Variants in HS6ST3 observed in about 807,000 individuals in gnomAD.
HS6ST3 encodes the protein heparan sulfate 6-O-sulfotransferase 3.
A neutral mutation model predicts 36.7 loss-of-function variants in HS6ST3; 12 were observed. The observed-to-expected ratio is 0.33, with a 90% CI of 0.21 to 0.53. The LOEUF (loss-of-function observed/expected upper bound fraction) is 0.53. Ranked by LOEUF, HS6ST3 falls within the 20% of genes least tolerant of loss-of-function variation. The pLI, the probability that HS6ST3 is intolerant of heterozygous loss-of-function variation, is 0.95. For missense variants in HS6ST3, 584 were observed against 640.9 expected (o/e 0.91, Z 0.96); for synonymous variants, 240 against 257.5 (o/e 0.93, Z 0.65).
chr13:96,306,816 A>C (rs983312795), intron 1 of HS6ST3, among the ~76,000 whole-genome samples: 1 of 152,212 alleles, frequency 6.6e-6, no homozygotes, highest in Non-Finnish European at 1.5e-5. Flanking sequence ...AAATAGATTT[A>C]CCTCCCTACA....
chr13:96,668,379 C>T (rs2056671236), intron 1 of HS6ST3, among the ~76,000 whole-genome samples: 1 of 152,178 alleles, frequency 6.6e-6, no homozygotes. Context: ...TTCACGAGGA[C>T]ACACAACTAA....
chr13:96,599,418 T>C (rs2056413520), intron 1 of HS6ST3, among the ~76,000 whole-genome samples: 1 of 152,110 alleles, frequency 6.6e-6, no homozygotes, highest in Non-Finnish European at 1.5e-5. Context: ...TTCCCTAGTG[T>C]GCACGTATAT....
At chr13:96,232,375 A>G (rs2054513000) in intron 1 of HS6ST3, among the ~76,000 whole-genome samples, 1 of 152,178 alleles carries the variant, frequency 6.6e-6, no homozygotes, top group African/African-American at 2.4e-5. Flanking sequence ...TGGGGATAGT[A>G]GAGTCAGAGG....
At chr13:96,812,289 C>A (rs1878331499) in intron 1 of HS6ST3, among the ~76,000 whole-genome samples, 1 of 152,210 alleles carries the variant, frequency 6.6e-6, no homozygotes, top group South Asian at 2.1e-4. Flanking sequence ...CCAAAAGCTT[C>A]TTGCGGTCCA....
chr13:96,646,385 C>G (rs1488642034), intron 1 of HS6ST3, among the ~76,000 whole-genome samples: 2 of 151,942 alleles, frequency 1.3e-5, no homozygotes, highest in African/African-American at 4.8e-5. Context: ...GTCATCCAAA[C>G]AAGGTCACTG....
At chr13:96,128,317 T>C (rs960087290) in intron 1 of HS6ST3, among the ~76,000 whole-genome samples, 1 of 152,130 alleles carries the variant, frequency 6.6e-6, no homozygotes, top group African/African-American at 2.4e-5. Context: ...TGGCCCAGAA[T>C]ATTTAGAAGG....
chr13:96,413,076 C>G (rs2055516015), intron 1 of HS6ST3, among the ~76,000 whole-genome samples: 2 of 152,174 alleles, frequency 1.3e-5, no homozygotes, highest in South Asian at 2.1e-4. Context: ...GAGAGCATGC[C>G]CATCAAGCAC....
At chr13:96,493,884 C>G (rs183438663) in intron 1 of HS6ST3, among the ~76,000 whole-genome samples, 6 of 152,218 alleles carry the variant, frequency 3.9e-5, no homozygotes, top group Admixed American at 1.3e-4. Context: ...TAAGGACTAA[C>G]TATTATGAAA....
intron 1 of HS6ST3, among the ~76,000 whole-genome samples, chr13:96,261,415 A>T (rs1012849843): frequency 2.0e-5 from 3 of 152,066 alleles, no homozygotes; most frequent in African/African-American, 7.2e-5. Flanking sequence ...GTAAAAGGGC[A>T]TATGGAACTG....
At chr13:96,210,389 C>G (rs546919800) in intron 1 of HS6ST3, among the ~76,000 whole-genome samples, 12 of 152,312 alleles carry the variant, frequency 7.9e-5, no homozygotes, top group African/African-American at 2.9e-4. Flanking sequence ...TGTAGAGGCA[C>G]AGGCAACTTT....
intron 1 of HS6ST3, among the ~76,000 whole-genome samples, chr13:96,486,195 C>T (rs1021440862): frequency 5.9e-5 from 9 of 152,018 alleles, no homozygotes; most frequent in Non-Finnish European, 1.3e-4. Context: ...GACATGAACT[C>T]ATCATTTTTT....
At chr13:96,184,641 A>T (rs1217087476) in intron 1 of HS6ST3, among the ~76,000 whole-genome samples, 1 of 151,788 alleles carries the variant, frequency 6.6e-6, no homozygotes, top group African/African-American at 2.4e-5. Flanking sequence ...TCCATATTGC[A>T]CTAGACAGGC....
chr13:96,711,494 T>C (rs1015248688), intron 1 of HS6ST3, among the ~76,000 whole-genome samples: 5 of 152,240 alleles, frequency 3.3e-5, no homozygotes, highest in Non-Finnish European at 7.3e-5. Context: ...AGTAATTCTC[T>C]GTGTGAAAAT....
chr13:96,336,990 C>T (rs117483207), intron 1 of HS6ST3, among the ~76,000 whole-genome samples: 2,179 of 152,274 alleles, frequency 0.014, 26 homozygotes, highest in East Asian at 0.054. Context: ...ACTACTTCAT[C>T]CTCAACCCTG....
intron 1 of HS6ST3, among the ~76,000 whole-genome samples, chr13:96,406,740 AT>A (rs1409791216): frequency 1.3e-5 from 2 of 152,200 alleles, no homozygotes; most frequent in African/African-American, 4.8e-5. Flanking sequence ...GGTGGGGAGA[AT>A]GCAGATCTTT....
At chr13:96,767,159 A>G (rs1022210061) in intron 1 of HS6ST3, among the ~76,000 whole-genome samples, 3 of 152,212 alleles carry the variant, frequency 2.0e-5, no homozygotes, top group African/African-American at 4.8e-5. Flanking sequence ...TGTGTTTTAT[A>G]TCTACGACAG....
chr13:96,515,918 A>G (rs998129632), intron 1 of HS6ST3, among the ~76,000 whole-genome samples: 6 of 152,134 alleles, frequency 3.9e-5, no homozygotes, highest in Non-Finnish European at 4.4e-5. Flanking sequence ...CAGACTCCCT[A>G]AAGTAGACAG....
At chr13:96,687,652 T>A (rs2138442235) in intron 1 of HS6ST3, among the ~76,000 whole-genome samples, 1 of 152,068 alleles carries the variant, frequency 6.6e-6, no homozygotes, top group South Asian at 2.1e-4. Context: ...CACACTATGA[T>A]CTGTATGTAT....
intron 1 of HS6ST3, among the ~76,000 whole-genome samples, chr13:96,810,940 T>C (rs1467253441): frequency 6.6e-6 from 1 of 152,222 alleles, no homozygotes; most frequent in African/African-American, 2.4e-5. Flanking sequence ...TATAGGCCTC[T>C]GAGCTGTGAA....
Sources: gnomAD v4.1 joint callset for allele counts (sites outside exome capture counted in the v4.1 genomes callset) on GRCh38, gnomAD v4.1.1 for gene constraint, MANE v1.5 for transcripts, NCBI Gene and HGNC (gene_info 2026-07-23, HGNC 2026-07-21) for gene names.